The following CYREN variants were observed in gnomAD, a reference collection of about 807,000 sequenced individuals.
CYREN encodes the protein cell cycle regulator of NHEJ.
A neutral mutation model predicts 9.7 loss-of-function variants in CYREN; 7 were observed. That is an observed-to-expected ratio of 0.72 (90% confidence interval 0.41 to 1.36). CYREN has a LOEUF of 1.36. Ranked by LOEUF, CYREN falls within the 40% of genes most tolerant of loss-of-function variation. The pLI is 0.01. For synonymous variants in CYREN, 76 were observed against 77.9 expected, an observed-to-expected ratio of 0.98 and a Z score of 0.13; for missense variants, 215 against 198.1, an observed-to-expected ratio of 1.09 and a Z score of -0.51.
At chr7:135,135,020 A>G (rs1440493269) in intron 2 of CYREN, 1 of 1,551,262 alleles carries the variant, frequency 6.4e-7, no homozygotes, top group Admixed American at 2.0e-5. Flanking sequence ...AAGAATAAAC[A>G]TTCTCAAATC....
rs568552944 is a variant in CYREN, at chr7:135,110,194, G to T, written n.357-15612C>A. On this transcript the variant is annotated intron_variant and non_coding_transcript_variant, in intron 2 of 2. Coordinates refer to the CYREN transcript ENST00000459937. ...CCTCTGGGAGCTCTGTCTCAGGGAG[G>T]TACAACACTGCTACCACTGGCTGGC... 6.6e-5 allele frequency among the ~76,000 whole-genome samples: 10 copies of T among 152,206 alleles called. No homozygotes were observed. The East Asian group carries it at 1.9e-3, about 29-fold the overall frequency.
rs544339166 is a variant in CYREN, at chr7:135,139,077, T to C, written n.356+29672A>G. 3.3e-5 allele frequency among the ~76,000 whole-genome samples: 5 copies of C among 152,166 alleles called. No homozygotes were observed. In the South Asian group the frequency reaches 8.3e-4, roughly 25 times the overall value. ...CATACACATGCATGTGTCTTTATGG[T>C]AGAACAATTTATATTCCTTTGGATA... On this transcript the variant is annotated intron_variant and non_coding_transcript_variant, in intron 2 of 2. Coordinates refer to the CYREN transcript ENST00000459937.
intron 2 of CYREN, among the ~76,000 whole-genome samples, chr7:135,095,814 G>C (rs947485754): frequency 6.6e-6 from 1 of 152,122 alleles, no homozygotes; most frequent in Non-Finnish European, 1.5e-5. Flanking sequence ...GTGGACGGGG[G>C]TACTGAAGTG....
intron 2 of CYREN, among the ~76,000 whole-genome samples, chr7:135,097,145 C>T (rs969082569): frequency 6.6e-6 from 1 of 152,146 alleles, no homozygotes; most frequent in Non-Finnish European, 1.5e-5. Context: ...CCCTTGATTG[C>T]TTGATGAAAC....
chr7:135,165,140 A>C, downstream of CYREN: 2 of 1,027,618 alleles, frequency 1.9e-6, no homozygotes, highest in South Asian at 3.7e-5. Flanking sequence ...CCCTGTGTCA[A>C]AGAGGCCGAG....
downstream of CYREN, among the ~76,000 whole-genome samples, chr7:135,162,757 C>A (rs1460480958): frequency 6.6e-6 from 1 of 152,180 alleles, no homozygotes; most frequent in Non-Finnish European, 1.5e-5. Context: ...AGGGACACAG[C>A]CAAACCATAT....
downstream of CYREN, chr7:135,164,561 T>C: frequency 6.2e-7 from 1 of 1,614,222 alleles, no homozygotes; most frequent in Non-Finnish European, 8.5e-7. Context: ...GCAACCTCAC[T>C]GACCTGCCCA....
chr7:135,110,383 G>A (rs573031614), intron 2 of CYREN, among the ~76,000 whole-genome samples: 7 of 152,302 alleles, frequency 4.6e-5, no homozygotes, highest in South Asian at 4.1e-4. Flanking sequence ...TGGGAAACCC[G>A]AGTATCTAAA....
chr7:135,163,069 C>G (rs1185151747), downstream of CYREN, among the ~76,000 whole-genome samples: 4 of 152,240 alleles, frequency 2.6e-5, no homozygotes, highest in Non-Finnish European at 5.9e-5. Context: ...ACACGATTCA[C>G]ACAGCGTCTT....
intron 2 of CYREN, among the ~76,000 whole-genome samples, chr7:135,104,384 G>A (rs1452281942): frequency 6.6e-6 from 1 of 152,012 alleles, no homozygotes; most frequent in Non-Finnish European, 1.5e-5. Flanking sequence ...GCGTTGCAGT[G>A]AACATACATA....
At chr7:135,116,399 A>C (rs1826316612) in intron 2 of CYREN, among the ~76,000 whole-genome samples, 1 of 152,216 alleles carries the variant, frequency 6.6e-6, no homozygotes, top group African/African-American at 2.4e-5. Flanking sequence ...GAGTGCTTAC[A>C]TATCAACTGG....
intron 2 of CYREN, chr7:135,128,753 C>T (rs1828314305): frequency 2.2e-6 from 3 of 1,362,964 alleles, no homozygotes; most frequent in Admixed American, 1.8e-5. Context: ...CAAGCCTCTC[C>T]CAACACAGAG....
chr7:135,111,342 C>A (rs1365937744), intron 2 of CYREN, among the ~76,000 whole-genome samples: 1 of 152,184 alleles, frequency 6.6e-6, no homozygotes, highest in Non-Finnish European at 1.5e-5. Flanking sequence ...GTATACTTCT[C>A]AACCTACTGC....
At chr7:135,167,628 G>A in intron 3 of CYREN, 104 bp downstream of exon 3, 1 of 1,531,184 alleles carries the variant, frequency 6.5e-7, no homozygotes, top group Non-Finnish European at 8.8e-7. Context: ...GGAAGAAGAG[G>A]TAGCCTACGG....
chr7:135,124,907 A>AG (rs1297043551), intron 2 of CYREN, among the ~76,000 whole-genome samples: 3 of 152,188 alleles, frequency 2.0e-5, no homozygotes, highest in African/African-American at 7.2e-5. Context: ...CATTGTGTTA[A>AG]GGGGGAAATT....
intron 2 of CYREN, among the ~76,000 whole-genome samples, chr7:135,105,880 G>A (rs1824636558): frequency 6.6e-6 from 1 of 152,116 alleles, no homozygotes; most frequent in African/African-American, 2.4e-5. Context: ...AGCATGGAAT[G>A]TTCCATTTGT....
intron 2 of CYREN, among the ~76,000 whole-genome samples, chr7:135,138,630 G>C (rs1438431348): frequency 6.6e-6 from 1 of 151,962 alleles, no homozygotes; most frequent in Non-Finnish European, 1.5e-5. Flanking sequence ...AAATAATAAA[G>C]GTTTGTTACA....
intron 2 of CYREN, among the ~76,000 whole-genome samples, chr7:135,144,938 TAAAAAAAAAAAAAAAAA>T (rs58443282): frequency 2.4e-4 from 11 of 45,624 alleles, no homozygotes; most frequent in South Asian, 1.0e-3. Flanking sequence ...CTCAAAAGAG[TAAAAAAAAAAAAAAAAA>T]AAAAAAAAAA....
chr7:135,118,474 C>G (rs1826637335), intron 2 of CYREN, among the ~76,000 whole-genome samples: 1 of 152,126 alleles, frequency 6.6e-6, no homozygotes, highest in Non-Finnish European at 1.5e-5. Flanking sequence ...GATGGGGAAC[C>G]TGGACTTCCA....
Sources: allele counts gnomAD v4.1 joint callset (sites outside exome capture counted in the v4.1 genomes callset), GRCh38; gene constraint gnomAD v4.1.1; transcripts MANE v1.5; gene names NCBI Gene and HGNC (gene_info 2026-07-23, HGNC 2026-07-21).